The following SHANK2 variants were observed in gnomAD, a reference collection of about 807,000 sequenced individuals.
SHANK2 encodes SH3 and multiple ankyrin repeat domains protein 2.
In SHANK2, 43 loss-of-function variants were observed where a neutral mutation model predicts 133.7. The observed-to-expected ratio is 0.32, with a 90% CI of 0.25 to 0.41. The LOEUF (loss-of-function observed/expected upper bound fraction) is 0.41, where lower values mean the gene tolerates loss of function less well. SHANK2 is among the 10% of genes least tolerant of loss of function. The pLI is 1.00. For missense variants in SHANK2, 1,994 were observed against 2,235.8 expected (o/e 0.89, Z 2.18); for synonymous variants, 1,017 against 952.8 (o/e 1.07, Z -1.24).
intron 2 of SHANK2, among the ~76,000 whole-genome samples, chr11:71,205,151 T>C (rs1954103555): frequency 6.6e-6 from 1 of 152,152 alleles, no homozygotes; most frequent in Non-Finnish European, 1.5e-5. Context: ...CAGACCCAAG[T>C]TCCCGTGGCC....
At chr11:70,589,212 G>A (rs1444344932) in intron 17 of SHANK2, among the ~76,000 whole-genome samples, 6 of 152,176 alleles carry the variant, frequency 3.9e-5, no homozygotes, top group African/African-American at 1.4e-4. Flanking sequence ...AGGACAGGCT[G>A]ACTCCCTTGT....
intron 17 of SHANK2, among the ~76,000 whole-genome samples, chr11:70,531,394 C>T (rs981400038): frequency 3.3e-5 from 5 of 152,170 alleles, no homozygotes; most frequent in Non-Finnish European, 5.9e-5. Flanking sequence ...CCCACGCGCC[C>T]GGGGGCCTGA....
chr11:71,086,551 A>G (rs2135071742), intron 8 of SHANK2, among the ~76,000 whole-genome samples: 1 of 142,530 alleles, frequency 7.0e-6, no homozygotes, highest in Admixed American at 7.5e-5. Flanking sequence ...TATATTATAT[A>G]TAATAATATA....
At chr11:70,528,621 G>A (rs2059428943) in intron 17 of SHANK2, among the ~76,000 whole-genome samples, 1 of 152,104 alleles carries the variant, frequency 6.6e-6, no homozygotes, top group Non-Finnish European at 1.5e-5. Flanking sequence ...GCAGAAGCAG[G>A]CCCGGCAGAG....
chr11:71,156,395 C>T (rs571054049), intron 2 of SHANK2, among the ~76,000 whole-genome samples: 118 of 152,312 alleles, frequency 7.7e-4, no homozygotes, highest in African/African-American at 2.2e-3. Context: ...ACTCAAGAAA[C>T]GGGATCCTGC....
intron 1 of SHANK2, among the ~76,000 whole-genome samples, chr11:71,237,690 C>A (rs1437444865): frequency 6.6e-6 from 1 of 152,314 alleles, no homozygotes. Context: ...ACACCAAAGG[C>A]CCCAAGCCCA....
chr11:70,785,797 CCA>C (rs1947639727), intron 14 of SHANK2, among the ~76,000 whole-genome samples: 1 of 152,208 alleles, frequency 6.6e-6, no homozygotes, highest in Non-Finnish European at 1.5e-5. Context: ...GCATCATCCC[CCA>C]TCTCGGGCAC....
In SHANK2 at chr11:70,869,484, G is replaced by A. The variant is rs868933975; in HGVS notation, c.1174+27017C>T. Among the ~76,000 whole-genome samples, 42 of 152,366 alleles carry A rather than the reference G, an allele frequency of 2.8e-4. 1 individual carries two copies. In the Middle Eastern group the frequency reaches 0.017, roughly 62 times the overall value. On this transcript the variant is annotated intron_variant, in intron 11 of 25. Coordinates refer to ENST00000601538, the MANE Select transcript of SHANK2 (RefSeq NM_012309.5). Reference sequence around the variant, plus strand: ...AATGCTTCCAATCTCAGCCTGTGCTGTAGGAGGCTTTCATATTTCACGGCA... The same window carrying A: ...AATGCTTCCAATCTCAGCCTGTGCTATAGGAGGCTTTCATATTTCACGGCA...
intron 21 of SHANK2, among the ~76,000 whole-genome samples, chr11:70,493,952 G>A (rs901485429): frequency 2.0e-5 from 3 of 152,302 alleles, no homozygotes; most frequent in East Asian, 1.9e-4. Flanking sequence ...AAGCTGAGGC[G>A]GAAGTTACCT....
intron 10 of SHANK2, among the ~76,000 whole-genome samples, chr11:70,931,843 T>G (rs1555082546): frequency 6.6e-6 from 1 of 152,238 alleles, no homozygotes; most frequent in Non-Finnish European, 1.5e-5. Context: ...CAACGACGCT[T>G]ATTATTTTTC....
intron 14 of SHANK2, among the ~76,000 whole-genome samples, chr11:70,794,916 A>G (rs1555048808): frequency 6.6e-6 from 1 of 152,144 alleles, no homozygotes; most frequent in Non-Finnish European, 1.5e-5. Flanking sequence ...ACATTTGTCA[A>G]AATGCACTGA....
Position 71,115,251 on chromosome 11 carries a change from C to T in SHANK2, c.412-1887G>A, listed in dbSNP as rs569752724. 3.2e-3 allele frequency among the ~76,000 whole-genome samples: 483 copies of T among 152,176 alleles called. 2 individuals are homozygous for T. The highest frequency in any genetic ancestry group is 5.4e-3 in the Non-Finnish European group (367 of 68,024). ...TGGGAAGCCGAGGCAGGTGGATCAA[C>T]CTGAGGCCAGGAGTTTGAGACCAGC... is the stretch of plus-strand genomic sequence containing the variant. On this transcript the variant is annotated intron_variant, in intron 4 of 25. Coordinates refer to ENST00000601538, the MANE Select transcript of SHANK2 (RefSeq NM_012309.5).
At chr11:71,253,061 C>T (rs1171116472), upstream of SHANK2, among the ~76,000 whole-genome samples, 2 of 152,186 alleles carry the variant, frequency 1.3e-5, no homozygotes, top group African/African-American at 4.8e-5. Context: ...CGTCTGCTGC[C>T]CAGGCCACCA....
At chr11:70,686,793 C>T (rs1945164283) in intron 15 of SHANK2, among the ~76,000 whole-genome samples, 1 of 152,222 alleles carries the variant, frequency 6.6e-6, no homozygotes, top group South Asian at 2.1e-4. Context: ...GCCCAGAGCA[C>T]CAGGCTTTGG....
At chr11:70,572,495 T>A (rs1359095964) in intron 17 of SHANK2, among the ~76,000 whole-genome samples, 1 of 151,994 alleles carries the variant, frequency 6.6e-6, no homozygotes, top group South Asian at 2.1e-4. Flanking sequence ...ATCTAGGGTA[T>A]TTTGCCCTAG....
intron 14 of SHANK2, among the ~76,000 whole-genome samples, chr11:70,779,813 CA>C (rs1947442992): frequency 6.6e-6 from 1 of 152,196 alleles, no homozygotes; most frequent in Non-Finnish European, 1.5e-5. Flanking sequence ...CTGGTTCCAG[CA>C]CCCCAACTGT....
chr11:70,615,863 T>C (rs1312750226), intron 17 of SHANK2, among the ~76,000 whole-genome samples: 2 of 152,182 alleles, frequency 1.3e-5, no homozygotes, highest in South Asian at 2.1e-4. Flanking sequence ...AGGGAGGAAC[T>C]TGCTCTCTGT....
At chr11:71,205,769 C>T (rs1954115009) in intron 2 of SHANK2, among the ~76,000 whole-genome samples, 1 of 152,154 alleles carries the variant, frequency 6.6e-6, no homozygotes, top group African/African-American at 2.4e-5. Flanking sequence ...TATTTATCCA[C>T]TTGTTGGTGG....
At chr11:71,242,564 CT>C (rs1401116394) in intron 1 of SHANK2, among the ~76,000 whole-genome samples, 2 of 152,198 alleles carry the variant, frequency 1.3e-5, no homozygotes, top group African/African-American at 4.8e-5. Flanking sequence ...AGCAGCCCCC[CT>C]GGCTCCCAGC....
Sources: gnomAD v4.1 joint callset for allele counts (sites outside exome capture counted in the v4.1 genomes callset) on GRCh38, gnomAD v4.1.1 for gene constraint, MANE v1.5 for transcripts, NCBI Gene and HGNC (gene_info 2026-07-23, HGNC 2026-07-21) for gene names.